The following TMEM163 variants were observed in gnomAD, a reference collection of about 807,000 sequenced individuals.
TMEM163 encodes transmembrane protein 163.
A neutral mutation model predicts 29.3 loss-of-function variants in TMEM163; 17 were observed. That is an observed-to-expected ratio of 0.58 (90% confidence interval 0.40 to 0.87). TMEM163 has a LOEUF of 0.87. Among genes scored for constraint, TMEM163 ranks in the 40% least tolerant of loss-of-function variants. The probability of loss-of-function intolerance (pLI) is 0.00; values close to 1 mark genes in which losing one functional copy is unlikely to be tolerated. For missense variants in TMEM163, 303 were observed against 381.5 expected, an observed-to-expected ratio of 0.79 and a Z score of 1.71; for synonymous variants, 157 against 160.6, an observed-to-expected ratio of 0.98 and a Z score of 0.17.
chr2:134,684,711 G>T (rs1386461297), intron 2 of TMEM163, among the ~76,000 whole-genome samples: 1 of 152,030 alleles, frequency 6.6e-6, no homozygotes, highest in Admixed American at 6.6e-5. Context: ...GGATCATGAG[G>T]TCAGGAGATT....
chr2:134,549,984 C>A (rs1333522237), intron 4 of TMEM163, among the ~76,000 whole-genome samples: 1 of 152,034 alleles, frequency 6.6e-6, no homozygotes, highest in Non-Finnish European at 1.5e-5. Flanking sequence ...CACAGAGATA[C>A]AAATCTGATT....
intron 4 of TMEM163, among the ~76,000 whole-genome samples, chr2:134,541,410 G>A (rs560665181): frequency 1.3e-5 from 2 of 152,286 alleles, no homozygotes; most frequent in South Asian, 2.1e-4. Context: ...TTTGGAGCAC[G>A]GCTCGACACT....
At chr2:134,623,099 T>C (rs554776239) in intron 2 of TMEM163, among the ~76,000 whole-genome samples, 2 of 152,212 alleles carry the variant, frequency 1.3e-5, no homozygotes, top group African/African-American at 2.4e-5. Context: ...CTAAGGATTT[T>C]CAGTGGACAG....
At chr2:134,549,103 T>TAAA (rs35128948) in intron 4 of TMEM163, among the ~76,000 whole-genome samples, 4 of 144,366 alleles carry the variant, frequency 2.8e-5, no homozygotes, top group East Asian at 4.0e-4. Context: ...CTTAATTTGT[T>TAAA]AAAAAAAAAA....
intron 2 of TMEM163, among the ~76,000 whole-genome samples, chr2:134,696,218 C>T (rs987617866): frequency 6.6e-6 from 1 of 152,118 alleles, no homozygotes; most frequent in African/African-American, 2.4e-5. Flanking sequence ...TGTGATGCTA[C>T]CTCTCTCACA....
intron 2 of TMEM163, among the ~76,000 whole-genome samples, chr2:134,553,266 T>C (rs1680972058): frequency 6.6e-6 from 1 of 152,150 alleles, no homozygotes. Context: ...CATCAGCTCA[T>C]CACAATATCC....
chr2:134,488,994 T>G (rs2106481689), intron 5 of TMEM163, among the ~76,000 whole-genome samples: 1 of 152,248 alleles, frequency 6.6e-6, no homozygotes, highest in East Asian at 1.9e-4. Flanking sequence ...TCTGAGAACA[T>G]GAACTAGGGC....
intron 2 of TMEM163, among the ~76,000 whole-genome samples, chr2:134,553,952 T>C (rs1680989788): frequency 6.6e-6 from 1 of 152,242 alleles, no homozygotes; most frequent in African/African-American, 2.4e-5. Flanking sequence ...GCTCCATAAC[T>C]GTTAACTAAG....
intron 2 of TMEM163, among the ~76,000 whole-genome samples, chr2:134,647,833 T>C (rs1574307134): frequency 6.6e-6 from 1 of 152,190 alleles, no homozygotes; most frequent in East Asian, 1.9e-4. Flanking sequence ...CACAGGTGAG[T>C]AGGTGCAGGA....
At position 134,460,010 on chromosome 2, in the gene TMEM163, A is replaced by G. The variant is rs16830663; in HGVS notation, c.668-1837T>C. On this transcript the variant is annotated intron_variant, in intron 6 of 7. Transcript: ENST00000281924. The surrounding 1 kb of genome is among the most constrained non-coding windows in gnomAD (Gnocchi z 4.3). ...GATGGGGCCACCAGCTGCAGAGGCC[A>G]AGATTCTAGGAGCCCATCTTCCCTT... is the stretch of plus-strand genomic sequence containing the variant. Among the ~76,000 whole-genome samples the G allele has an allele frequency of 0.057, 8,666 of 151,722 alleles. 741 individuals carry two copies. Among genetic ancestry groups the G allele is most frequent in the East Asian group, 0.28 (1,405 of 5,056 alleles).
At chr2:134,524,746 C>A (rs1394657408) in intron 4 of TMEM163, among the ~76,000 whole-genome samples, 1 of 150,430 alleles carries the variant, frequency 6.6e-6, no homozygotes, top group African/African-American at 2.4e-5. Flanking sequence ...ATATGTACCA[C>A]ATTTTCTTTA....
chr2:134,632,388 A>C (rs534340298), intron 2 of TMEM163, among the ~76,000 whole-genome samples: 1 of 152,390 alleles, frequency 6.6e-6, no homozygotes, highest in African/African-American at 2.4e-5. Flanking sequence ...CCATAACTAC[A>C]TAAAATAAAT....
chr2:134,515,757 C>G (rs550363701), intron 4 of TMEM163, among the ~76,000 whole-genome samples: 1 of 152,234 alleles, frequency 6.6e-6, no homozygotes, highest in East Asian at 1.9e-4. Flanking sequence ...AAAAATAAAT[C>G]TAAACCCAGG....
intron 2 of TMEM163, among the ~76,000 whole-genome samples, chr2:134,595,346 T>C (rs1034223863): frequency 2.6e-5 from 4 of 152,058 alleles, no homozygotes; most frequent in African/African-American, 9.7e-5. Flanking sequence ...TTCCCACCTA[T>C]GAGTGAGAGC....
intron 2 of TMEM163, among the ~76,000 whole-genome samples, chr2:134,621,920 A>G (rs1025700122): frequency 6.6e-6 from 1 of 152,054 alleles, no homozygotes; most frequent in Non-Finnish European, 1.5e-5. Flanking sequence ...ATAAAAAAAA[A>G]CTAAACCCAA....
chr2:134,456,826 A>G, intron 7 of TMEM163, 50 bp from the exon 8 acceptor site: 1 of 1,572,788 alleles, frequency 6.4e-7, no homozygotes, highest in Non-Finnish European at 8.7e-7. Context: ...GGGGCTGAAG[A>G]GCTTGGGGAA....
At chr2:134,525,631 T>G (rs1028474940) in intron 4 of TMEM163, among the ~76,000 whole-genome samples, 1 of 152,156 alleles carries the variant, frequency 6.6e-6, no homozygotes, top group Non-Finnish European at 1.5e-5. Flanking sequence ...GGGGACAAGT[T>G]TACTATAGTT....
rs993257983 is a variant in TMEM163 at position 134,650,131 on chromosome 2, T to C, written c.322+63069A>G. Among the ~76,000 whole-genome samples the C allele has an allele frequency of 3.3e-5, 5 of 152,074 alleles. 1 individual carries two copies. Among genetic ancestry groups the C allele is most frequent in the African/African-American group, 1.2e-4 (5 of 41,406 alleles). ...AATACGCACAGTACAACCACATTTT[T>C]GTGTTTAAAAAAACTGTACTATATT... On this transcript the variant is annotated intron_variant, in intron 2 of 7. Transcript: ENST00000281924.
At chr2:134,525,953 G>A (rs12612203) in intron 4 of TMEM163, among the ~76,000 whole-genome samples, 35,786 of 152,144 alleles carry the variant, frequency 0.24, 4,420 homozygotes, top group Middle Eastern at 0.36. Context: ...GGGATGCTGC[G>A]GGCATTCACA....
Sources: allele counts gnomAD v4.1 joint callset (sites outside exome capture counted in the v4.1 genomes callset), GRCh38; gene constraint gnomAD v4.1.1; non-coding constraint Gnocchi (gnomAD v3.1); transcripts MANE v1.5; gene names NCBI Gene and HGNC (gene_info 2026-07-23, HGNC 2026-07-21).